PTPRU: variants seen among roughly 807,000 people sequenced by gnomAD.
PTPRU encodes the protein protein tyrosine phosphatase receptor type U, also known as receptor-type tyrosine-protein phosphatase U.
PTPRU carries 69 observed loss-of-function variants against 166.3 expected under a neutral mutation model. That is an observed-to-expected ratio of 0.41 (90% CI 0.34 to 0.51). The LOEUF (loss-of-function observed/expected upper bound fraction) is 0.51, where lower values mean the gene tolerates loss of function less well. Ranked by LOEUF, PTPRU falls within the 20% of genes least tolerant of loss-of-function variation. The pLI, the probability that PTPRU is intolerant of heterozygous loss-of-function variation, is 0.09. For missense variants in PTPRU, 1,657 were observed against 2,013.7 expected (o/e 0.82, Z 3.39); for synonymous variants, 793 against 814.0 (o/e 0.97, Z 0.44).
At chr1:29,261,217 C>G (rs1685052221) in intron 7 of PTPRU, among the ~76,000 whole-genome samples, 1 of 152,182 alleles carries the variant, frequency 6.6e-6, no homozygotes, top group Non-Finnish European at 1.5e-5. Flanking sequence ...GTGACTGGCC[C>G]AAGAGCACAC....
Position 29,312,607 on chromosome 1 carries a change from A to G in PTPRU, c.3128A>G (p.Glu1043Gly). The G allele has an allele frequency of 6.2e-7, 1 of 1,610,556 alleles. No homozygotes were observed. Among genetic ancestry groups the G allele is most frequent in the Non-Finnish European group, 8.5e-7 (1 of 1,177,354 alleles). ...VRQFHFTAWP[E>G]HGVPYHATGL... The stretch of plus-strand genomic sequence containing the variant: ...CAGTTCCACTTCACAGCGTGGCCAG[A>G]GCATGGCGTCCCCTACCATGCCACG... The change falls in exon 22 of 30, where the codon GAG (glutamate) becomes GGG (glycine). Residue 1043 changes from glutamate (E) to glycine (G), a missense_variant. This residue lies in a region of PTPRU where 1,190 missense variants were observed against 1,477.4 expected (regional missense o/e 0.81). Transcript: ENST00000373779.
At position 29,259,137 on chromosome 1, in the gene PTPRU, G is replaced by T. The variant is rs924701520; in HGVS notation, c.478-124G>T. 6.4e-6 allele frequency: 7 copies of T among 1,094,712 alleles called. No homozygotes were observed. In the Admixed American group the frequency reaches 1.0e-4, roughly 16 times the overall value. 67.8% of individuals were successfully genotyped at this position (1,094,712 alleles called of 1,614,324 possible). On this transcript the variant is annotated intron_variant, in intron 3 of 29. Transcript: ENST00000373779. ...CTAGCTGGCTTGGGAGGGAGGGTCA[G>T]TGTGAGCTGGGCTGACCTCTGCTAG... is the stretch of plus-strand genomic sequence containing the variant.
At position 29,236,711 on chromosome 1, in the gene PTPRU, C is replaced by A. The variant is rs1683780940; in HGVS notation, c.67C>A (p.Pro23Thr). 1 of 1,451,770 alleles carries A rather than the reference C, an allele frequency of 6.9e-7. No individual in the cohort carries two copies. The highest frequency in any genetic ancestry group is 9.1e-7 in the Non-Finnish European group (1 of 1,104,690). 89.9% of individuals were successfully genotyped at this position (1,451,770 alleles called of 1,614,324 possible). A position where few individuals can be genotyped will look rare whatever the true frequency, so the allele number is the denominator to read the frequency against. ...FQLCAPETET[P>T]AAGCTFEEAS... Reference sequence around the variant, plus strand: ...GCTCTGCGCGCCGGAGACCGAGACTCCGGCAGGTAAGCGCGCGGCGGCCGG... The same window carrying A: ...GCTCTGCGCGCCGGAGACCGAGACTACGGCAGGTAAGCGCGCGGCGGCCGG... The change falls in exon 1 of 30, where the codon CCG becomes ACG. Residue 23 changes from proline to threonine, a missense_variant. Pro to Thr is a conservative substitution (Grantham distance 38). Around this residue, in one of 3 missense-constraint regions of PTPRU, gnomAD observed 453 missense variants for 496.9 expected, o/e 0.91. Coordinates refer to ENST00000373779, the MANE Select transcript of PTPRU (RefSeq NM_133178.4). The surrounding 1 kb of genome is among the most constrained non-coding windows in gnomAD (Gnocchi z 4.6).
chr1:29,254,965 A>G (rs755444098), intron 1 of PTPRU, among the ~76,000 whole-genome samples: 49 of 152,118 alleles, frequency 3.2e-4, no homozygotes, highest in Non-Finnish European at 1.5e-4. Context: ...ATAATATAGC[A>G]ATCCTGATAA....
At position 29,260,136 on chromosome 1, in the gene PTPRU, G is replaced by T; in HGVS notation, c.850+92G>T. On this transcript the variant is annotated intron_variant, in intron 6 of 29. Transcript: ENST00000373779. This position sits in a 1 kb window ranked among gnomAD's most constrained non-coding sequence, Gnocchi z 8.3. ...GGGCTCTGCCCGGGGGCGTGGCCGT[G>T]GGGGGTGGGGCCGGCAGGGTGTCGC... 1.6e-6 allele frequency: 2 copies of T among 1,227,278 alleles called. No individual in the cohort carries two copies. Among genetic ancestry groups the T allele is most frequent in the Non-Finnish European group, 1.0e-6 (1 of 956,056 alleles). 76.0% of individuals were successfully genotyped at this position (1,227,278 alleles called of 1,614,324 possible).
chr1:29,236,683 C>G lies in PTPRU; in HGVS notation c.39C>G (p.Phe13Leu). 1 of 1,469,644 alleles carries G rather than the reference C, an allele frequency of 6.8e-7. No homozygotes were observed. Among genetic ancestry groups the G allele is most frequent in the Non-Finnish European group, 9.0e-7 (1 of 1,112,930 alleles). The allele number at this position is 1,469,644 out of a possible 1,614,324, so 91.0% of individuals were successfully genotyped here. The change falls in exon 1 of 30, where the codon TTC becomes TTG. Residue 13 changes from phenylalanine (F) to leucine (L), a missense_variant. Physicochemically the swap from Phe to Leu is conservative, Grantham distance 22 (BLOSUM62 0). Coordinates refer to ENST00000373779, the MANE Select transcript of PTPRU (RefSeq NM_133178.4). The surrounding 1 kb of genome is among the most constrained non-coding windows in gnomAD (Gnocchi z 4.6). ...RAQALVLALTFQLCAPETETP... is the reference protein window; with the variant it reads ...RAQALVLALTLQLCAPETETP... ...AGGCGCTCGTGCTGGCACTCACCTT[C>G]CAGCTCTGCGCGCCGGAGACCGAGA... is the stretch of plus-strand genomic sequence containing the variant.
At chr1:29,325,052 C>T (rs1225867896) in intron 28 of PTPRU, 139 bp from the exon 29 acceptor site, 4 of 1,195,092 alleles carry the variant, frequency 3.3e-6, no homozygotes, top group African/African-American at 1.5e-5. Context: ...CACCTCTGGG[C>T]TCTCTGCCCC....
At chr1:29,258,040 C>G (rs940431424) in intron 2 of PTPRU, among the ~76,000 whole-genome samples, 2 of 152,146 alleles carry the variant, frequency 1.3e-5, no homozygotes, top group East Asian at 3.9e-4. Flanking sequence ...TCTTGGCTCA[C>G]TGCAACCTCT....
chr1:29,324,900 T>G (rs2235942), intron 28 of PTPRU, among the ~76,000 whole-genome samples: 39,799 of 150,814 alleles, frequency 0.26, 5,578 homozygotes, highest in East Asian at 0.53. Flanking sequence ...ACCTCTGGAC[T>G]CTTTGGCCCC....
At chr1:29,299,920 C>G (rs9426417) in intron 15 of PTPRU, among the ~76,000 whole-genome samples, 37,792 of 152,046 alleles carry the variant, frequency 0.25, 5,930 homozygotes, top group East Asian at 0.63. Flanking sequence ...CAAGATCTTA[C>G]AGCAGAGAAG....
rs544098610 is a variant in PTPRU, at chr1:29,274,900, A to G, written c.1145-548A>G. Among the ~76,000 whole-genome samples, 3 of 152,136 alleles carry G rather than the reference A, an allele frequency of 2.0e-5. No homozygotes were observed. The East Asian group carries it at 5.8e-4, about 29-fold the overall frequency. ...CGCTATCTCTACCAAAAATACAAAAATTAGCCAGGCGTGGTGGTGTACGCC... is the reference window on the plus strand; with the variant it reads ...CGCTATCTCTACCAAAAATACAAAAGTTAGCCAGGCGTGGTGGTGTACGCC... On this transcript the variant is annotated intron_variant, in intron 7 of 29. Transcript: ENST00000373779.
intron 15 of PTPRU, among the ~76,000 whole-genome samples, chr1:29,298,616 C>A (rs998788381): frequency 2.0e-5 from 3 of 152,182 alleles, no homozygotes; most frequent in African/African-American, 7.2e-5. Flanking sequence ...GGGCCTTGTA[C>A]GTCTGGAGCT....
intron 13 of PTPRU, among the ~76,000 whole-genome samples, chr1:29,284,424 A>G (rs950775976): frequency 6.6e-6 from 1 of 152,148 alleles, no homozygotes; most frequent in Non-Finnish European, 1.5e-5. Flanking sequence ...CAGGAGGGCA[A>G]GAGGGTGGGG....
Position 29,280,033 on chromosome 1 carries a change from C to A in PTPRU, c.1766-6C>A, listed in dbSNP as rs781719749. The A allele has an allele frequency of 2.5e-6, 4 of 1,611,200 alleles. No individual in the cohort carries two copies. The South Asian group carries it at 3.3e-5, about 13-fold the overall frequency. On this transcript the variant is annotated splice_polypyrimidine_tract_variant and splice_region_variant and intron_variant, in intron 10 of 29. Coordinates refer to ENST00000373779, the MANE Select transcript of PTPRU (RefSeq NM_133178.4). The surrounding 1 kb of genome is among the most constrained non-coding windows in gnomAD (Gnocchi z 4.2). ...CTCCAGCTTGTGACCCTGTCCCCTT[C>A]TCCAGCTCCCAGCTTTGATTATGCC...
intron 16 of PTPRU, among the ~76,000 whole-genome samples, chr1:29,304,301 G>A (rs531539879): frequency 6.6e-6 from 1 of 152,160 alleles, no homozygotes; most frequent in East Asian, 1.9e-4. Flanking sequence ...GACTGTGATC[G>A]GGATCCTTAT....
chr1:29,259,748 G>C, intron 5 of PTPRU, 122 bp from the exon 6 acceptor site: 1 of 1,314,932 alleles, frequency 7.6e-7, no homozygotes, highest in Non-Finnish European at 1.0e-6. Flanking sequence ...AGGTTAGAGC[G>C]CGGCTCCAGG....
intron 17 of PTPRU, 127 bp from the exon 18 acceptor site, chr1:29,305,225 C>T (rs1687331966): frequency 3.5e-6 from 3 of 850,972 alleles, no homozygotes; most frequent in East Asian, 2.6e-5. Flanking sequence ...TACTGGTAAG[C>T]CCTGAGACTC....
chr1:29,280,270 G>A lies in PTPRU; in HGVS notation c.1868+129G>A. 1 of 882,668 alleles carries A rather than the reference G, an allele frequency of 1.1e-6. No individual in the cohort carries two copies. 54.7% of individuals were successfully genotyped at this position (882,668 alleles called of 1,614,324 possible). A position where few individuals can be genotyped will look rare whatever the true frequency, so the allele number is the denominator to read the frequency against. ...CAGTCTCCCACGCAGGGCTTGGAGT[G>A]TCTGGAGGAGATTGTTCTGTGATGC... is the stretch of plus-strand genomic sequence containing the variant. On this transcript the variant is annotated intron_variant, in intron 11 of 29. Coordinates refer to ENST00000373779, the MANE Select transcript of PTPRU (RefSeq NM_133178.4). The surrounding 1 kb of genome is among the most constrained non-coding windows in gnomAD (Gnocchi z 4.2).
intron 15 of PTPRU, 30 bp downstream of exon 15, chr1:29,292,056 C>T (rs1686666940): frequency 2.5e-6 from 4 of 1,611,382 alleles, no homozygotes; most frequent in Admixed American, 1.7e-5. Flanking sequence ...ACCCCTTCTT[C>T]ATGGCTCTGG....
Sources: gnomAD v4.1 joint callset for allele counts (sites outside exome capture counted in the v4.1 genomes callset) on GRCh38, gnomAD v4.1.1 for gene constraint, gnomAD v4.1.1 regional missense constraint, Gnocchi (gnomAD v3.1) non-coding constraint, MANE v1.5 for transcripts, NCBI Gene and HGNC (gene_info 2026-07-23, HGNC 2026-07-21) for gene names.